The following B3GALT1 variants were observed in gnomAD, a reference collection of about 807,000 sequenced individuals.
B3GALT1 encodes the protein UDP-Gal:betaGlcNAc beta 1,3-galactosyltransferase, polypeptide 1.
B3GALT1 carries 10 observed loss-of-function variants against 23.2 expected under a neutral mutation model. That is an observed-to-expected ratio of 0.43 (90% CI 0.27 to 0.73). The LOEUF (loss-of-function observed/expected upper bound fraction) is 0.73, where lower values mean the gene tolerates loss of function less well. Ranked by LOEUF, B3GALT1 falls within the 30% of genes least tolerant of loss-of-function variation. The pLI is 0.21. For synonymous variants in B3GALT1, 156 were observed against 141.5 expected, an observed-to-expected ratio of 1.10 and a Z score of -0.73; for missense variants, 299 against 405.4, an observed-to-expected ratio of 0.74 and a Z score of 2.25.
At chr2:167,442,857 T>C (rs1698917392) in intron 1 of B3GALT1, among the ~76,000 whole-genome samples, 1 of 141,200 alleles carries the variant, frequency 7.1e-6, no homozygotes, top group African/African-American at 2.8e-5. Flanking sequence ...TTTCTTTTGC[T>C]GTGCAGAAGC....
At chr2:167,714,514 C>G in intron 3 of B3GALT1, 1 of 1,611,564 alleles carries the variant, frequency 6.2e-7, no homozygotes, top group Non-Finnish European at 8.5e-7. Context: ...GACCATATGG[C>G]GAACGCTCTC....
intron 3 of B3GALT1, among the ~76,000 whole-genome samples, chr2:167,730,548 T>G (rs1448842): frequency 0.71 from 107,952 of 152,038 alleles, 39,723 homozygotes; most frequent in Non-Finnish European, 0.84. Context: ...GATATTAATT[T>G]GTTTGTCAAA....
chr2:167,773,454 A>G (rs1239464230), intron 3 of B3GALT1, among the ~76,000 whole-genome samples: 1 of 152,208 alleles, frequency 6.6e-6, no homozygotes, highest in Admixed American at 6.5e-5. Flanking sequence ...AGAGCTGCAT[A>G]AAAGATTCAT....
chr2:167,425,241 T>A (rs983856274), intron 1 of B3GALT1, among the ~76,000 whole-genome samples: 4 of 152,216 alleles, frequency 2.6e-5, no homozygotes, highest in Non-Finnish European at 4.4e-5. Flanking sequence ...ATGTGAGCTT[T>A]ACACATTACT....
intron 2 of B3GALT1, among the ~76,000 whole-genome samples, chr2:167,520,591 G>A (rs532058055): frequency 3.0e-4 from 45 of 152,180 alleles, no homozygotes; most frequent in African/African-American, 9.9e-4. Context: ...CTTGAGCATC[G>A]CAAAAAAACC....
intron 4 of B3GALT1, among the ~76,000 whole-genome samples, chr2:167,833,950 T>A (rs908735089): frequency 6.6e-6 from 1 of 152,158 alleles, no homozygotes; most frequent in African/African-American, 2.4e-5. Flanking sequence ...ATTTGAGGTG[T>A]AAGGATAACA....
At chr2:167,816,443 CT>C (rs879493755) in intron 3 of B3GALT1, among the ~76,000 whole-genome samples, 188 of 144,526 alleles carry the variant, frequency 1.3e-3, no homozygotes, top group Non-Finnish European at 1.1e-3. Flanking sequence ...TTTTCCACAC[CT>C]TTTTTTTTTT....
At chr2:167,665,053 G>A (rs1686147902) in intron 3 of B3GALT1, among the ~76,000 whole-genome samples, 1 of 151,978 alleles carries the variant, frequency 6.6e-6, no homozygotes, top group Admixed American at 6.6e-5. Flanking sequence ...TTTTCAAAGG[G>A]AATGCTTCCA....
At chr2:167,714,659 G>A (rs199704119) in intron 3 of B3GALT1, 801 of 1,613,746 alleles carry the variant, frequency 5.0e-4, no homozygotes, top group Non-Finnish European at 6.4e-4. Context: ...TCTTTCAGCA[G>A]TCCGAGCTGC....
At chr2:167,699,913 A>T (rs1378524380) in intron 3 of B3GALT1, among the ~76,000 whole-genome samples, 1 of 152,132 alleles carries the variant, frequency 6.6e-6, no homozygotes, top group African/African-American at 2.4e-5. Flanking sequence ...GGGTTTCACC[A>T]TGTTGGTCAG....
intron 4 of B3GALT1, among the ~76,000 whole-genome samples, chr2:167,825,458 GTGCA>G (rs1459358695): frequency 6.9e-6 from 1 of 144,356 alleles, no homozygotes; most frequent in East Asian, 1.9e-4. Flanking sequence ...GTGTGTGTGC[GTGCA>G]CGTGTGTGTG....
At chr2:167,390,430 A>G (rs1281293431) in intron 1 of B3GALT1, among the ~76,000 whole-genome samples, 8 of 152,218 alleles carry the variant, frequency 5.3e-5, no homozygotes. Context: ...TGCTGAGAGA[A>G]GAAGCTATTT....
In B3GALT1 at chr2:167,625,942, CATATATATATATATATATATATAT is replaced by C. The variant is rs10522850; in HGVS notation, c.-409-20946_-409-20923del. On this transcript the variant is annotated intron_variant, in intron 2 of 4. Coordinates refer to ENST00000392690, the MANE Select transcript of B3GALT1 (RefSeq NM_020981.4). ...ATGACAGAAAAATCAATGACTAGGC[CATATATATATATATATATATATAT>C]ATATATATATATATATATATGACCT... Among the ~76,000 whole-genome samples, 197 of 118,218 alleles carry C rather than the reference CATATATATATATATATATATATAT, an allele frequency of 1.7e-3. 1 individual carries two copies. The highest frequency in any genetic ancestry group is 1.4e-3 in the Admixed American group (16 of 11,270). 77.6% of individuals were successfully genotyped at this position (118,218 alleles called of 152,430 possible).
chr2:167,840,619 G>C (rs371823789), intron 4 of B3GALT1, among the ~76,000 whole-genome samples: 25 of 149,124 alleles, frequency 1.7e-4, no homozygotes, highest in Middle Eastern at 6.9e-3. Flanking sequence ...TCAGTGTGGC[G>C]ATTCCTCAGG....
intron 3 of B3GALT1, chr2:167,715,447 T>C (rs1335129894): frequency 6.2e-7 from 1 of 1,607,376 alleles, no homozygotes; most frequent in African/African-American, 1.3e-5. Flanking sequence ...CTTTTATTGC[T>C]ATCGCCCGTC....
chr2:167,860,384 G>T (rs2105430109), intron 4 of B3GALT1, among the ~76,000 whole-genome samples: 1 of 152,178 alleles, frequency 6.6e-6, no homozygotes, highest in East Asian at 1.9e-4. Context: ...TCTCTCGTGT[G>T]CTCTCTTTCT....
chr2:167,866,061 A>G (rs1690211235), intron 4 of B3GALT1, among the ~76,000 whole-genome samples: 1 of 152,038 alleles, frequency 6.6e-6, no homozygotes. Flanking sequence ...ATGCCCTTGC[A>G]TATGCTGTTT....
Position 167,294,315 on chromosome 2 carries a change from C to T in B3GALT1, c.-511+981C>T, listed in dbSNP as rs572116425. On this transcript the variant is annotated intron_variant, in intron 1 of 4. Coordinates refer to ENST00000392690, the MANE Select transcript of B3GALT1 (RefSeq NM_020981.4). ...GGGGTCTGGTCCATCAGACCTAGGA[C>T]ACGTTAACCACGCAGAGTAACCAGG... Among the ~76,000 whole-genome samples the T allele has an allele frequency of 3.9e-5, 6 of 152,368 alleles. No individual in the cohort carries two copies. In the East Asian group the frequency reaches 9.6e-4, roughly 25 times the overall value.
At chr2:167,604,962 G>T (rs1351765250) in intron 2 of B3GALT1, among the ~76,000 whole-genome samples, 10 of 152,212 alleles carry the variant, frequency 6.6e-5, no homozygotes, top group Non-Finnish European at 1.5e-4. Flanking sequence ...AGTCATTTAA[G>T]AACTCACAAG....
Sources: allele counts gnomAD v4.1 joint callset (sites outside exome capture counted in the v4.1 genomes callset), GRCh38; gene constraint gnomAD v4.1.1; transcripts MANE v1.5; gene names NCBI Gene and HGNC (gene_info 2026-07-23, HGNC 2026-07-21).